The following UBE3D variants were observed in gnomAD, a reference collection of about 807,000 sequenced individuals.
UBE3D encodes the protein E3 ubiquitin-protein ligase E3D.
Under a neutral mutation model 49.6 loss-of-function variants are expected in UBE3D, and 48 were observed. That is an observed-to-expected ratio of 0.97 (90% CI 0.77 to 1.23). The LOEUF (loss-of-function observed/expected upper bound fraction) is 1.23. Ranked by LOEUF, UBE3D falls within the 50% of genes most tolerant of loss-of-function variation. The pLI, the probability that UBE3D is intolerant of heterozygous loss-of-function variation, is 0.00. For synonymous variants in UBE3D, 189 were observed against 174.2 expected, an observed-to-expected ratio of 1.08 and a Z score of -0.67; for missense variants, 452 against 468.4, an observed-to-expected ratio of 0.96 and a Z score of 0.32.
chr6:83,041,559 T>C (rs1193041235), intron 4 of UBE3D, among the ~76,000 whole-genome samples: 1 of 152,206 alleles, frequency 6.6e-6, no homozygotes, highest in African/African-American at 2.4e-5. Flanking sequence ...ATGACAAGAC[T>C]GTTTTAAGCA....
Position 82,996,337 on chromosome 6 carries a change from A to G in UBE3D, c.1010+22636T>C, listed in dbSNP as rs968667764. Among the ~76,000 whole-genome samples, 7 of 151,668 alleles carry G rather than the reference A, an allele frequency of 4.6e-5. No homozygotes were observed. The East Asian group carries it at 1.4e-3, about 29-fold the overall frequency. The stretch of plus-strand genomic sequence containing the variant: ...AAATAAATAAATAAATAAATAAATA[A>G]ATAAATAAATAAATAAATAAAATCA... On this transcript the variant is annotated intron_variant, in intron 8 of 9. Transcript: ENST00000369747.
chr6:82,980,869 A>G (rs773067517), intron 8 of UBE3D, among the ~76,000 whole-genome samples: 1 of 151,990 alleles, frequency 6.6e-6, no homozygotes, highest in Non-Finnish European at 1.5e-5. Flanking sequence ...GTTGACTATA[A>G]TTATGTGACT....
intron 5 of UBE3D, among the ~76,000 whole-genome samples, chr6:83,028,997 C>T (rs1781676761): frequency 1.3e-5 from 2 of 152,220 alleles, no homozygotes; most frequent in Admixed American, 6.5e-5. Context: ...ATTAGGAAAT[C>T]TCTTACATAT....
intron 9 of UBE3D, among the ~76,000 whole-genome samples, chr6:82,905,726 C>G (rs1199154618): frequency 6.6e-6 from 1 of 152,134 alleles, no homozygotes; most frequent in Non-Finnish European, 1.5e-5. Flanking sequence ...TTACTCAAGT[C>G]TAGTCATCCC....
chr6:82,968,987 T>C (rs1194844514), intron 8 of UBE3D, among the ~76,000 whole-genome samples: 5 of 152,050 alleles, frequency 3.3e-5, no homozygotes, highest in Non-Finnish European at 7.4e-5. Context: ...CAAAATCAAA[T>C]TATAAATGGC....
At chr6:82,902,134 T>TCAAAAGTTGGCAC (rs1408851186) in intron 9 of UBE3D, among the ~76,000 whole-genome samples, 1 of 152,154 alleles carries the variant, frequency 6.6e-6, no homozygotes, top group African/African-American at 2.4e-5. Flanking sequence ...AAATTTGGCT[T>TCAAAAGTTGGCAC]CAAAAGTTGG....
chr6:82,881,604 G>A, the UBE3D span, among the ~76,000 whole-genome samples: 3 of 152,164 alleles, frequency 2.0e-5, no homozygotes, highest in Non-Finnish European at 4.4e-5. Flanking sequence ...ATTAGAAAAA[G>A]AGGCTGAGTG....
chr6:83,049,986 C>A (rs941098831), intron 3 of UBE3D, among the ~76,000 whole-genome samples: 1 of 152,050 alleles, frequency 6.6e-6, no homozygotes, highest in Admixed American at 6.6e-5. Flanking sequence ...TACATTCACA[C>A]AAATTTTATA....
intron 7 of UBE3D, among the ~76,000 whole-genome samples, chr6:83,020,406 G>A (rs759362248): frequency 6.6e-6 from 1 of 150,464 alleles, no homozygotes; most frequent in Non-Finnish European, 1.5e-5. Flanking sequence ...GTTGTATATG[G>A]AAAGAATAAA....
chr6:82,941,656 A>G (rs1342370616), intron 9 of UBE3D, among the ~76,000 whole-genome samples: 1 of 152,130 alleles, frequency 6.6e-6, no homozygotes. Context: ...ATCCCCATGC[A>G]TCAGGGGCAG....
chr6:83,030,765 G>C (rs984339436), intron 5 of UBE3D, among the ~76,000 whole-genome samples: 1 of 152,078 alleles, frequency 6.6e-6, no homozygotes, highest in Admixed American at 6.5e-5. Context: ...ATAGGAAATG[G>C]GGGAAAGTTT....
chr6:82,924,375 A>C (rs568463375), intron 9 of UBE3D, among the ~76,000 whole-genome samples: 2 of 152,294 alleles, frequency 1.3e-5, no homozygotes, highest in South Asian at 4.1e-4. Flanking sequence ...GATTTAGGAA[A>C]TGATCAGATA....
the UBE3D span, among the ~76,000 whole-genome samples, chr6:82,881,907 G>A: frequency 1.3e-5 from 2 of 152,134 alleles, no homozygotes; most frequent in African/African-American, 4.8e-5. Context: ...ATTAATGCCA[G>A]CTAATACCTG....
At chr6:82,997,720 A>AAAAAG (rs1202888644) in intron 8 of UBE3D, among the ~76,000 whole-genome samples, 8 of 152,340 alleles carry the variant, frequency 5.3e-5, no homozygotes, top group Admixed American at 1.3e-4. Context: ...CTCTGTCTTA[A>AAAAAG]AAAAGAAAAG....
At chr6:82,934,053 G>A (rs1774371916) in intron 9 of UBE3D, among the ~76,000 whole-genome samples, 1 of 152,188 alleles carries the variant, frequency 6.6e-6, no homozygotes, top group Admixed American at 6.5e-5. Flanking sequence ...GTCCTGGTAG[G>A]AGGTGATTGA....
At chr6:82,916,613 T>C (rs1420878615) in intron 9 of UBE3D, among the ~76,000 whole-genome samples, 1 of 152,246 alleles carries the variant, frequency 6.6e-6, no homozygotes, top group African/African-American at 2.4e-5. Context: ...TGTTGCTGAC[T>C]GAAAGCAGAA....
chr6:83,013,222 G>C (rs754637444), intron 8 of UBE3D, among the ~76,000 whole-genome samples: 6 of 152,322 alleles, frequency 3.9e-5, no homozygotes, highest in African/African-American at 4.8e-5. Context: ...GTCACATTGT[G>C]ACTTGATGAT....
intron 9 of UBE3D, among the ~76,000 whole-genome samples, chr6:82,927,388 C>A (rs1773835350): frequency 6.6e-6 from 1 of 151,892 alleles, no homozygotes; most frequent in Non-Finnish European, 1.5e-5. Context: ...TGCCAATGTA[C>A]ACAAAATTAC....
chr6:82,904,574 C>A (rs1204399023), intron 9 of UBE3D, among the ~76,000 whole-genome samples: 1 of 152,200 alleles, frequency 6.6e-6, no homozygotes, highest in Non-Finnish European at 1.5e-5. Flanking sequence ...GCCTGGCAGG[C>A]CATGGCACAG....
Sources: allele counts gnomAD v4.1 joint callset (sites outside exome capture counted in the v4.1 genomes callset), GRCh38; gene constraint gnomAD v4.1.1; transcripts MANE v1.5; gene names NCBI Gene and HGNC (gene_info 2026-07-23, HGNC 2026-07-21).